Variants in PCDHA13 observed in about 807,000 individuals in gnomAD.
The protein encoded by PCDHA13 is protocadherin alpha-13.
A neutral mutation model predicts 64.8 loss-of-function variants in PCDHA13; 54 were observed. The observed-to-expected ratio is 0.83, with a 90% CI of 0.67 to 1.04. The LOEUF (loss-of-function observed/expected upper bound fraction) is 1.04. PCDHA13 is among the 50% of genes least tolerant of loss of function. The pLI is 0.00. For synonymous variants in PCDHA13, 587 were observed against 564.4 expected, an observed-to-expected ratio of 1.04 and a Z score of -0.57; for missense variants, 1,248 against 1,254.3, an observed-to-expected ratio of 0.99 and a Z score of 0.08.
intron 3 of PCDHA13, among the ~76,000 whole-genome samples, chr5:140,989,227 C>T (rs933142074): frequency 2.6e-5 from 4 of 152,162 alleles, no homozygotes; most frequent in African/African-American, 9.7e-5. Flanking sequence ...TTCTTTGTAG[C>T]TGAAGTTTTA....
At chr5:140,910,780 C>T (rs2075160544) in intron 1 of PCDHA13, among the ~76,000 whole-genome samples, 1 of 152,192 alleles carries the variant, frequency 6.6e-6, no homozygotes, top group South Asian at 2.1e-4. Flanking sequence ...CAAGCTGCAA[C>T]ATTAAATGCA....
At chr5:140,999,638 CTG>C (rs2097866913) in intron 3 of PCDHA13, among the ~76,000 whole-genome samples, 1 of 152,170 alleles carries the variant, frequency 6.6e-6, no homozygotes, top group Non-Finnish European at 1.5e-5. Flanking sequence ...GTAGAGAAAA[CTG>C]TGCAGCCTGA....
chr5:141,006,429 G>C (rs541690957), intron 3 of PCDHA13, among the ~76,000 whole-genome samples: 7 of 152,004 alleles, frequency 4.6e-5, no homozygotes, highest in Non-Finnish European at 1.0e-4. Flanking sequence ...TAGCCAGGAT[G>C]GTCTCAATCT....
intron 1 of PCDHA13, among the ~76,000 whole-genome samples, chr5:140,947,608 A>G (rs1381677530): frequency 3.3e-5 from 5 of 151,684 alleles, no homozygotes; most frequent in Non-Finnish European, 7.4e-5. Flanking sequence ...AAGATTTGGT[A>G]TCTTAACAAT....
intron 1 of PCDHA13, chr5:140,927,429 C>T: frequency 6.2e-7 from 1 of 1,614,118 alleles, no homozygotes; most frequent in Non-Finnish European, 8.5e-7. Flanking sequence ...GGGTTGACGG[C>T]AGCGAATACC....
At chr5:140,911,088 C>T (rs1447899502) in intron 1 of PCDHA13, among the ~76,000 whole-genome samples, 3 of 152,092 alleles carry the variant, frequency 2.0e-5, no homozygotes, top group African/African-American at 7.2e-5. Flanking sequence ...ATTATCTTGC[C>T]TGGCAACTGC....
At position 140,969,430 on chromosome 5, in the gene PCDHA13, A is replaced by T. The variant is rs1554231789; in HGVS notation, c.2395-9519A>T. 4 of 1,554,706 alleles carry T rather than the reference A, an allele frequency of 2.6e-6. No homozygotes were observed. The Admixed American group carries it at 7.8e-5, about 30-fold the overall frequency. ...CTTTATTGAGTCATTAACAGTGACA[A>T]GAGTTATCTGGTAAACTGAGTATAT... On this transcript the variant is annotated intron_variant, in intron 1 of 3. Transcript: ENST00000289272.
intron 1 of PCDHA13, among the ~76,000 whole-genome samples, chr5:140,925,210 C>G (rs1319343041): frequency 1.3e-5 from 2 of 152,122 alleles, no homozygotes; most frequent in Admixed American, 6.5e-5. Context: ...ATTATCGATA[C>G]TTTTAGGCAG....
intron 3 of PCDHA13, among the ~76,000 whole-genome samples, chr5:140,989,670 C>G (rs907417768): frequency 6.6e-6 from 1 of 152,104 alleles, no homozygotes. Flanking sequence ...GAAACTCTGC[C>G]CAGATTTCAA....
At chr5:141,007,145 A>C (rs528280563) in intron 3 of PCDHA13, among the ~76,000 whole-genome samples, 1 of 152,330 alleles carries the variant, frequency 6.6e-6, no homozygotes, top group Admixed American at 6.5e-5. Context: ...CTGACAAAGG[A>C]AACTGTCAAA....
At chr5:140,968,050 C>T (rs782392575) in intron 1 of PCDHA13, 12 of 1,614,178 alleles carry the variant, frequency 7.4e-6, no homozygotes, top group Admixed American at 1.7e-5. Flanking sequence ...GCCCACTGGA[C>T]CGAGAGCGGG....
intron 3 of PCDHA13, among the ~76,000 whole-genome samples, chr5:140,989,538 T>TAAA (rs2097347158): frequency 6.6e-6 from 1 of 152,180 alleles, no homozygotes; most frequent in Non-Finnish European, 1.5e-5. Flanking sequence ...GAAGATAGTT[T>TAAA]GTAATTCCTT....
chr5:140,882,607 T>G lies in PCDHA13; in HGVS notation c.339T>G (p.Pro113=), dbSNP rs1313419888. Residue 113 remains proline, a synonymous_variant, in exon 1 of 4, where the codon CCT becomes CCG. Transcript: ENST00000289272. ...SIHLEVIVDR[P]LQVFHVEVKV... is the part of the protein sequence containing the mutation. ...ACCTGGAGGTGATCGTGGACAGGCCTCTGCAGGTTTTCCATGTGGAGGTGA... is the reference window on the plus strand; with the variant it reads ...ACCTGGAGGTGATCGTGGACAGGCCGCTGCAGGTTTTCCATGTGGAGGTGA... The G allele has an allele frequency of 6.8e-6, 11 of 1,614,124 alleles. No individual in the cohort carries two copies. Among genetic ancestry groups the G allele is most frequent in the East Asian group, 2.2e-5 (1 of 44,896 alleles).
intron 1 of PCDHA13, among the ~76,000 whole-genome samples, chr5:140,924,901 A>AAAAAAAATAAAT (rs369245222): frequency 1.2e-5 from 1 of 80,456 alleles, no homozygotes; most frequent in Non-Finnish European, 2.7e-5. Flanking sequence ...TCTCAAAAAA[A>AAAAAAAATAAAT]AAAATAAAAT....
chr5:141,000,421 ATT>A (rs34755515), intron 3 of PCDHA13, among the ~76,000 whole-genome samples: 627 of 27,724 alleles, frequency 0.023, 1 homozygote, highest in Middle Eastern at 0.071. Context: ...ATATATATAT[ATT>A]TTTTTTTTTT....
intron 3 of PCDHA13, among the ~76,000 whole-genome samples, chr5:141,005,544 A>G (rs1197838847): frequency 6.6e-6 from 1 of 151,492 alleles, no homozygotes; most frequent in Non-Finnish European, 1.5e-5. Flanking sequence ...TCTACTAAAA[A>G]TACAAAAATT....
rs556783584 is a variant in PCDHA13 at position 140,882,446 on chromosome 5, G to A, written c.178G>A (p.Val60Met). Reference protein sequence around the residue: ...QDLGLELAELVPRLFRVASKR... With the variant: ...QDLGLELAELMPRLFRVASKR... ...CCTGGGGCTGGAGCTGGCGGAGCTG[G>A]TGCCGCGCCTGTTCCGGGTGGCGTC... The change falls in exon 1 of 4, where the codon GTG (valine) becomes ATG (methionine). Residue 60 changes from valine to methionine, a missense_variant. By Grantham distance (21) the Val-to-Met change is conservative (BLOSUM62 1). Coordinates refer to ENST00000289272, the MANE Select transcript of PCDHA13 (RefSeq NM_018904.3). 1.9e-5 allele frequency: 30 copies of A among 1,614,042 alleles called. No individual in the cohort carries two copies. The highest frequency in any genetic ancestry group is 1.0e-4 in the Admixed American group (6 of 60,036).
chr5:140,987,001 G>T (rs2097221434), intron 3 of PCDHA13, among the ~76,000 whole-genome samples: 1 of 152,038 alleles, frequency 6.6e-6, no homozygotes. Context: ...ATCACTTGAG[G>T]TCATGAGTTC....
chr5:140,993,293 A>T (rs1445204823), intron 3 of PCDHA13, among the ~76,000 whole-genome samples: 1 of 152,062 alleles, frequency 6.6e-6, no homozygotes, highest in Non-Finnish European at 1.5e-5. Context: ...CAGGGTCACA[A>T]CCTTGCCTCC....
Sources: allele counts gnomAD v4.1 joint callset (sites outside exome capture counted in the v4.1 genomes callset), GRCh38; gene constraint gnomAD v4.1.1; transcripts MANE v1.5; gene names NCBI Gene and HGNC (gene_info 2026-07-23, HGNC 2026-07-21).